The following MCU variants were observed in gnomAD, a reference collection of about 807,000 sequenced individuals.
MCU encodes calcium uniporter protein, mitochondrial.
A neutral mutation model predicts 45.2 loss-of-function variants in MCU; 12 were observed. The ratio of observed to expected loss-of-function variants is 0.27; its 90% CI spans 0.17 to 0.43. The LOEUF (loss-of-function observed/expected upper bound fraction) is 0.43. Ranked by LOEUF, MCU falls within the 20% of genes least tolerant of loss-of-function variation. The pLI, the probability that MCU is intolerant of heterozygous loss-of-function variation, is 1.00. For missense variants in MCU, 324 were observed against 436.7 expected (o/e 0.74, Z 2.30); for synonymous variants, 160 against 165.1 (o/e 0.97, Z 0.24).
intron 1 of MCU, among the ~76,000 whole-genome samples, chr10:72,737,441 TAA>T (rs1238954851): frequency 2.6e-4 from 39 of 152,212 alleles, no homozygotes; most frequent in Admixed American, 2.2e-3. Flanking sequence ...ATTTGAAATG[TAA>T]AGAGAGGGGG....
chr10:72,782,705 C>T (rs1844014030), intron 1 of MCU, among the ~76,000 whole-genome samples: 1 of 152,204 alleles, frequency 6.6e-6, no homozygotes, highest in Non-Finnish European at 1.5e-5. Context: ...TCTGCCTCTT[C>T]TGTGGAACTC....
intron 1 of MCU, among the ~76,000 whole-genome samples, chr10:72,832,033 T>C (rs1028149624): frequency 6.6e-6 from 1 of 152,096 alleles, no homozygotes; most frequent in Non-Finnish European, 1.5e-5. Flanking sequence ...TATATATAAC[T>C]AAAACAAAGC....
chr10:72,812,366 G>A (rs1265790886), intron 1 of MCU, among the ~76,000 whole-genome samples: 3 of 152,006 alleles, frequency 2.0e-5, no homozygotes, highest in Non-Finnish European at 4.4e-5. Context: ...GGCTGGTCTC[G>A]AACTCCTGAG....
At chr10:72,798,126 T>C (rs746422883) in intron 1 of MCU, among the ~76,000 whole-genome samples, 2 of 152,094 alleles carry the variant, frequency 1.3e-5, no homozygotes, top group South Asian at 2.1e-4. Context: ...ATTTGGACAA[T>C]ACATAAATGC....
At chr10:72,837,728 A>G (rs190418392) in intron 2 of MCU, among the ~76,000 whole-genome samples, 1 of 152,294 alleles carries the variant, frequency 6.6e-6, no homozygotes, top group African/African-American at 2.4e-5. Flanking sequence ...GAAGTCTTTA[A>G]AGCCTCCAGG....
Position 72,783,629 on chromosome 10 carries a change from G to A in MCU, c.151-50730G>A, listed in dbSNP as rs775263274. Among the ~76,000 whole-genome samples, 31 of 152,216 alleles carry A rather than the reference G, an allele frequency of 2.0e-4. 1 individual carries two copies. Among genetic ancestry groups the A allele is most frequent in the Admixed American group, 4.6e-4 (7 of 15,280 alleles). On this transcript the variant is annotated intron_variant, in intron 1 of 7. Coordinates refer to ENST00000373053, the MANE Select transcript of MCU (RefSeq NM_138357.3). ...AGTTAAACCTTCCAGGATAAAGAGA[G>A]GATTTTGTTGGGGGGAGCTGTTGTA...
At chr10:72,836,482 T>C (rs1054972123) in intron 2 of MCU, among the ~76,000 whole-genome samples, 3 of 152,172 alleles carry the variant, frequency 2.0e-5, no homozygotes, top group Non-Finnish European at 4.4e-5. Context: ...TATGGAGATA[T>C]TTCAGTAATT....
At chr10:72,792,517 T>C (rs1200987569) in intron 1 of MCU, among the ~76,000 whole-genome samples, 1 of 152,120 alleles carries the variant, frequency 6.6e-6, no homozygotes, top group African/African-American at 2.4e-5. Flanking sequence ...AGTTCTTCCA[T>C]ATCTGAGGTC....
intron 1 of MCU, among the ~76,000 whole-genome samples, chr10:72,805,136 TTTC>T (rs1406863745): frequency 1.4e-5 from 2 of 139,964 alleles, no homozygotes; most frequent in Non-Finnish European, 1.5e-5. Flanking sequence ...TCTTTCTTTC[TTTC>T]TTTCTTTCTT....
intron 2 of MCU, among the ~76,000 whole-genome samples, chr10:72,846,067 C>T (rs1003889178): frequency 2.6e-5 from 4 of 151,464 alleles, no homozygotes; most frequent in Non-Finnish European, 5.9e-5. Context: ...TTTTTTGAGA[C>T]AGAGTCTTGC....
At chr10:72,879,038 TG>T (rs1438943841) in intron 6 of MCU, among the ~76,000 whole-genome samples, 2 of 151,964 alleles carry the variant, frequency 1.3e-5, no homozygotes, top group Non-Finnish European at 2.9e-5. Context: ...CCAAGGTGGG[TG>T]GATCACTTGA....
At chr10:72,861,396 T>A (rs904498611) in intron 4 of MCU, among the ~76,000 whole-genome samples, 9 of 151,686 alleles carry the variant, frequency 5.9e-5, no homozygotes, top group Non-Finnish European at 2.9e-5. Context: ...ACCAAAAAAC[T>A]CGGTAATCAA....
At chr10:72,816,830 C>T (rs754767533) in intron 1 of MCU, among the ~76,000 whole-genome samples, 1 of 152,166 alleles carries the variant, frequency 6.6e-6, no homozygotes, top group Non-Finnish European at 1.5e-5. Flanking sequence ...ATCTTCTGGA[C>T]AGCCAGGCAA....
intron 1 of MCU, among the ~76,000 whole-genome samples, chr10:72,699,197 T>A (rs1349311894): frequency 6.6e-6 from 1 of 152,090 alleles, no homozygotes; most frequent in East Asian, 1.9e-4. Context: ...ACTGTGGAAG[T>A]TGTGCACTTT....
chr10:72,802,006 G>T (rs751275899), intron 1 of MCU, among the ~76,000 whole-genome samples: 5 of 152,164 alleles, frequency 3.3e-5, no homozygotes, highest in Non-Finnish European at 7.3e-5. Context: ...TTACACATTT[G>T]TGTGGCATTT....
Position 72,778,853 on chromosome 10 carries a change from G to GA in MCU, c.151-55496dup, listed in dbSNP as rs200546357. On this transcript the variant is annotated intron_variant, in intron 1 of 7. Transcript: ENST00000373053. ...AGTATATGATAAATACTGGAAAACC[G>GA]AAAAAAAAAATTTCAGTGGGGAAAA... Among the ~76,000 whole-genome samples, 926 of 148,618 alleles carry GA rather than the reference G, an allele frequency of 6.2e-3. 11 individuals are homozygous for GA. Among genetic ancestry groups the GA allele is most frequent in the African/African-American group, 0.021 (852 of 40,652 alleles).
chr10:72,823,071 A>G (rs1018174244), intron 1 of MCU, among the ~76,000 whole-genome samples: 2 of 152,248 alleles, frequency 1.3e-5, no homozygotes, highest in African/African-American at 4.8e-5. Context: ...ATAAATGTCT[A>G]TAGCAGCATT....
At chr10:72,814,914 A>G (rs1844602287) in intron 1 of MCU, among the ~76,000 whole-genome samples, 1 of 152,230 alleles carries the variant, frequency 6.6e-6, no homozygotes, top group Non-Finnish European at 1.5e-5. Flanking sequence ...CAGTGGGAAA[A>G]TCTTAGGAAA....
At chr10:72,864,722 A>G (rs1414894650) in intron 4 of MCU, among the ~76,000 whole-genome samples, 1 of 152,194 alleles carries the variant, frequency 6.6e-6, no homozygotes, top group African/African-American at 2.4e-5. Context: ...CACATTGTTC[A>G]AGGGTCAACT....
Sources: gnomAD v4.1 joint callset for allele counts (sites outside exome capture counted in the v4.1 genomes callset) on GRCh38, gnomAD v4.1.1 for gene constraint, MANE v1.5 for transcripts, NCBI Gene and HGNC (gene_info 2026-07-23, HGNC 2026-07-21) for gene names.